Variants in COBL observed in about 807,000 individuals in gnomAD.
COBL encodes cordon-bleu WH2 repeat protein, also known as protein cordon-bleu.
In COBL, 51 loss-of-function variants were observed where a neutral mutation model predicts 98.8. The ratio of observed to expected loss-of-function variants is 0.52; its 90% CI spans 0.41 to 0.65. The LOEUF (loss-of-function observed/expected upper bound fraction) is 0.65, where lower values mean the gene tolerates loss of function less well. COBL is among the 30% of genes least tolerant of loss of function. The pLI, the probability that COBL is intolerant of heterozygous loss-of-function variation, is 0.00. For synonymous variants in COBL, 634 were observed against 651.7 expected, an observed-to-expected ratio of 0.97 and a Z score of 0.41; for missense variants, 1,617 against 1,617.5, an observed-to-expected ratio of 1.00 and a Z score of 0.01.
chr7:51,023,960 G>T (rs73351849), intron 12 of COBL, among the ~76,000 whole-genome samples: 1 of 152,170 alleles, frequency 6.6e-6, no homozygotes, highest in Non-Finnish European at 1.5e-5. Context: ...CTTTAGCACC[G>T]AATGCTTGGG....
intron 1 of COBL, among the ~76,000 whole-genome samples, chr7:51,306,239 G>A (rs1353880324): frequency 6.6e-6 from 1 of 152,122 alleles, no homozygotes; most frequent in Non-Finnish European, 1.5e-5. Flanking sequence ...CCCTGCTGGA[G>A]GGTGCTGGCC....
Position 51,298,423 on chromosome 7 carries a change from C to T in COBL, c.41+18170G>A, listed in dbSNP as rs75556960. The stretch of plus-strand genomic sequence containing the variant: ...TTAAGAGGTGGCCTGCTATTCAGGG[C>T]TAATTGTGCAGCTTGCTGCCTGTGC... On this transcript the variant is annotated intron_variant, in intron 1 of 12. Transcript: ENST00000265136. 7.3e-3 allele frequency among the ~76,000 whole-genome samples: 1,108 copies of T among 152,352 alleles called. 17 individuals carry two copies. Among genetic ancestry groups the T allele is most frequent in the African/African-American group, 0.025 (1,056 of 41,584 alleles).
chr7:51,308,040 G>C (rs1278280783), intron 1 of COBL, among the ~76,000 whole-genome samples: 1 of 152,214 alleles, frequency 6.6e-6, no homozygotes, highest in Admixed American at 6.5e-5. Context: ...GGTAGCTATA[G>C]ACAACAAGAC....
chr7:51,177,313 G>GT (rs1470063598), intron 5 of COBL, among the ~76,000 whole-genome samples: 8 of 152,082 alleles, frequency 5.3e-5, no homozygotes, highest in African/African-American at 1.4e-4. Context: ...TCTGGGCTCT[G>GT]TATCAAGATA....
chr7:51,136,727 A>T (rs997152916), intron 5 of COBL, among the ~76,000 whole-genome samples: 1 of 152,210 alleles, frequency 6.6e-6, no homozygotes, highest in Non-Finnish European at 1.5e-5. Flanking sequence ...CAAGAAATAC[A>T]TCTTCATGAG....
Position 51,024,929 on chromosome 7 carries a change from G to A in COBL, c.3768+180C>T, listed in dbSNP as rs367953242. ...GGCTGACTTTCTCACCTGTGGACTG[G>A]AGCCTTCATCTGCCACTCTGGTCAG... On this transcript the variant is annotated intron_variant, in intron 12 of 12. Coordinates refer to ENST00000265136, the MANE Select transcript of COBL (RefSeq NM_015198.5). Among the ~76,000 whole-genome samples, 30 of 152,264 alleles carry A rather than the reference G, an allele frequency of 2.0e-4. No homozygotes were observed. In the East Asian group the frequency reaches 4.8e-3, roughly 25 times the overall value.
At chr7:51,198,947 C>G (rs565620280) in intron 2 of COBL, among the ~76,000 whole-genome samples, 3 of 152,324 alleles carry the variant, frequency 2.0e-5, no homozygotes, top group African/African-American at 7.2e-5. Flanking sequence ...AGCCTGCTGG[C>G]AGGCTCATAG....
chr7:51,300,916 G>A (rs898429101), intron 1 of COBL, among the ~76,000 whole-genome samples: 12 of 152,298 alleles, frequency 7.9e-5, no homozygotes, highest in African/African-American at 2.6e-4. Context: ...TATCTGAGGT[G>A]CATGTGACTG....
chr7:51,249,887 A>C (rs1268018864), intron 1 of COBL, among the ~76,000 whole-genome samples: 6 of 152,158 alleles, frequency 3.9e-5, no homozygotes, highest in Non-Finnish European at 7.3e-5. Flanking sequence ...AGATCATTTG[A>C]GGCCAGGAGT....
intron 7 of COBL, among the ~76,000 whole-genome samples, chr7:51,051,137 G>A (rs1273431241): frequency 6.6e-6 from 1 of 152,154 alleles, no homozygotes; most frequent in Non-Finnish European, 1.5e-5. Context: ...TTGACTACCA[G>A]TATATGGCTA....
chr7:51,212,265 T>G, intron 2 of COBL, among the ~76,000 whole-genome samples: 1 of 152,236 alleles, frequency 6.6e-6, no homozygotes, highest in East Asian at 1.9e-4. Flanking sequence ...AGAAAAAAAC[T>G]GGTTTTCTTT....
chr7:51,274,766 T>C (rs1424232186), intron 1 of COBL, among the ~76,000 whole-genome samples: 1 of 152,224 alleles, frequency 6.6e-6, no homozygotes, highest in Non-Finnish European at 1.5e-5. Context: ...AACAGACGTA[T>C]TCTAGAAAAC....
At chr7:51,291,654 G>C (rs1465065535) in intron 1 of COBL, among the ~76,000 whole-genome samples, 2 of 151,958 alleles carry the variant, frequency 1.3e-5, no homozygotes, top group African/African-American at 4.8e-5. Flanking sequence ...CCAGCTACTC[G>C]GGTGGCTGAG....
intron 1 of COBL, among the ~76,000 whole-genome samples, chr7:51,294,295 CATAAATAAATAA>C (rs201170093): frequency 1.4e-3 from 196 of 138,950 alleles, no homozygotes; most frequent in African/African-American, 3.2e-3. Flanking sequence ...CATCTCAAAA[CATAAATAAATAA>C]ATAAATAAAT....
chr7:51,169,710 G>C (rs1386668165), intron 5 of COBL, among the ~76,000 whole-genome samples: 5 of 152,148 alleles, frequency 3.3e-5, no homozygotes, highest in African/African-American at 7.2e-5. Context: ...GAACTCACTG[G>C]GGAGGTGGGG....
rs1786288143 is a variant in COBL, at chr7:51,016,377, TTAAAG to T, written c.*1169_*1173del. 2.0e-5 allele frequency: 3 copies of T among 152,360 alleles called. No homozygotes were observed. The highest frequency in any genetic ancestry group is 7.2e-5 in the African/African-American group (3 of 41,588). 9.4% of individuals were successfully genotyped at this position (152,360 alleles called of 1,614,324 possible). On this transcript the variant is annotated 3_prime_UTR_variant, in exon 13 of 13. Coordinates refer to ENST00000265136, the MANE Select transcript of COBL (RefSeq NM_015198.5). ...CTAGATCTGAGATCGCTGTGAAACA[TTAAAG>T]TGACCTCACCATACTTGTTTTCTCA...
chr7:51,069,838 G>A (rs1233643918), intron 7 of COBL, among the ~76,000 whole-genome samples: 6 of 152,156 alleles, frequency 3.9e-5, no homozygotes, highest in East Asian at 1.9e-4. Context: ...TTCCATTTGC[G>A]TTTGGGTTTT....
At chr7:51,040,105 T>C (rs770429145) in intron 8 of COBL, among the ~76,000 whole-genome samples, 25 of 152,038 alleles carry the variant, frequency 1.6e-4, no homozygotes, top group Admixed American at 4.6e-4. Context: ...CTGAAATTTA[T>C]TGAAAATCAT....
chr7:51,165,910 G>A (rs1400048099), intron 5 of COBL, among the ~76,000 whole-genome samples: 1 of 151,804 alleles, frequency 6.6e-6, no homozygotes, highest in Non-Finnish European at 1.5e-5. Context: ...AAACCTTCTT[G>A]GAACAAATAA....
Sources: gnomAD v4.1 joint callset for allele counts (sites outside exome capture counted in the v4.1 genomes callset) on GRCh38, gnomAD v4.1.1 for gene constraint, MANE v1.5 for transcripts, NCBI Gene and HGNC (gene_info 2026-07-23, HGNC 2026-07-21) for gene names.